Variants in SEC11A observed in about 807,000 individuals in gnomAD.
The protein encoded by SEC11A is signal peptidase complex catalytic subunit SEC11A.
SEC11A carries 14 observed loss-of-function variants against 25.6 expected under a neutral mutation model. That is an observed-to-expected ratio of 0.55 (90% CI 0.36 to 0.85). SEC11A has a LOEUF of 0.85. Ranked by LOEUF, SEC11A falls within the 40% of genes least tolerant of loss-of-function variation. The probability of loss-of-function intolerance (pLI) is 0.01; values close to 1 mark genes in which losing one functional copy is unlikely to be tolerated. For synonymous variants in SEC11A, 83 were observed against 76.4 expected, an observed-to-expected ratio of 1.09 and a Z score of -0.45; for missense variants, 153 against 222.9, an observed-to-expected ratio of 0.69 and a Z score of 2.00.
chr15:84,701,466 T>A (rs1256027742), intron 1 of SEC11A, among the ~76,000 whole-genome samples: 2 of 151,052 alleles, frequency 1.3e-5, no homozygotes, highest in East Asian at 3.9e-4. Flanking sequence ...ATTACAGGCA[T>A]AATAGATACT....
Position 84,674,046 on chromosome 15 carries a change from T to C in SEC11A, c.432-3264A>G, listed in dbSNP as rs2218577. Among the ~76,000 whole-genome samples, 658 of 152,166 alleles carry C rather than the reference T, an allele frequency of 4.3e-3. 4 individuals are homozygous for C. Among genetic ancestry groups the C allele is most frequent in the Admixed American group, 6.9e-3 (106 of 15,292 alleles). ...TACATCAAAATTCAAGAAGTACAAT[T>C]TTAGTGTGAGATGCACATATAGGTG... On this transcript the variant is annotated intron_variant, in intron 4 of 5. Coordinates refer to ENST00000268220, the MANE Select transcript of SEC11A (RefSeq NM_014300.4).
At chr15:84,698,786 G>A (rs986844727) in intron 1 of SEC11A, among the ~76,000 whole-genome samples, 1 of 152,000 alleles carries the variant, frequency 6.6e-6, no homozygotes, top group Non-Finnish European at 1.5e-5. Context: ...ATGAATTCAG[G>A]CTCACTGGAA....
rs1186633550 is a variant in SEC11A at position 84,669,759 on chromosome 15, C to G, written c.*260G>C. ...CTCAACCTTTTAATATAAAAAAATT[C>G]ACTGATGTACAAAAATTTGAAAGTG... On this transcript the variant is annotated 3_prime_UTR_variant, in exon 6 of 6. Transcript: ENST00000268220. 2 of 441,994 alleles carry G rather than the reference C, an allele frequency of 4.5e-6. No individual in the cohort carries two copies. The highest frequency in any genetic ancestry group is 8.0e-6 in the Non-Finnish European group (2 of 250,140). 27.4% of individuals were successfully genotyped at this position (441,994 alleles called of 1,614,324 possible).
At chr15:84,678,662 T>C (rs983452459) in intron 4 of SEC11A, among the ~76,000 whole-genome samples, 29 of 152,194 alleles carry the variant, frequency 1.9e-4, no homozygotes, top group Non-Finnish European at 3.1e-4. Flanking sequence ...ACCATTCTCC[T>C]TTCACACACA....
chr15:84,700,675 T>C (rs1897907361), intron 1 of SEC11A, among the ~76,000 whole-genome samples: 1 of 135,272 alleles, frequency 7.4e-6, no homozygotes, highest in African/African-American at 2.8e-5. Context: ...AGTAGAGATG[T>C]GGATGATAGA....
At chr15:84,680,681 A>G in intron 4 of SEC11A, 32 bp downstream of exon 4, 2 of 1,560,396 alleles carry the variant, frequency 1.3e-6, no homozygotes, top group Non-Finnish European at 1.7e-6. Flanking sequence ...CAAGTGATAT[A>G]AAAAGTTTGA....
intron 1 of SEC11A, among the ~76,000 whole-genome samples, chr15:84,713,659 G>A (rs915069513): frequency 1.3e-5 from 2 of 152,218 alleles, no homozygotes; most frequent in African/African-American, 2.4e-5. Context: ...GGGCAGAGTA[G>A]CCTATTCATT....
chr15:84,693,195 A>G (rs986202708), intron 1 of SEC11A, among the ~76,000 whole-genome samples: 4 of 152,158 alleles, frequency 2.6e-5, no homozygotes, highest in African/African-American at 9.7e-5. Flanking sequence ...ATGTCATTCA[A>G]TGTCATGGAA....
At chr15:84,691,820 T>C in intron 1 of SEC11A, 176 bp from the exon 2 acceptor site, 2 of 428,726 alleles carry the variant, frequency 4.7e-6, no homozygotes, top group African/African-American at 4.1e-5. Flanking sequence ...AGGCCCCCCT[T>C]CTTTCACCCA....
At chr15:84,707,174 T>C (rs981817727) in intron 1 of SEC11A, among the ~76,000 whole-genome samples, 1 of 148,130 alleles carries the variant, frequency 6.8e-6, no homozygotes, top group African/African-American at 2.5e-5. Flanking sequence ...CCTACAATTG[T>C]GTGAGACTTT....
intron 4 of SEC11A, among the ~76,000 whole-genome samples, chr15:84,677,516 A>C (rs1204660225): frequency 2.0e-5 from 3 of 146,700 alleles, no homozygotes; most frequent in African/African-American, 7.6e-5. Context: ...TCTGTCACTC[A>C]GGCTGGAGTG....
Position 84,716,128 on chromosome 15 carries a change from G to C in SEC11A, c.-53C>G, listed in dbSNP as rs544647194. On this transcript the variant is annotated 5_prime_UTR_variant, in exon 1 of 6. Coordinates refer to ENST00000268220, the MANE Select transcript of SEC11A (RefSeq NM_014300.4). ...AGGGGAAAGGGCGCGATGACCAGCG[G>C]GCGGAACTACTGGAGCTCGGGTCGG... 1.3e-6 allele frequency: 2 copies of C among 1,565,376 alleles called. No individual in the cohort carries two copies. Among genetic ancestry groups the C allele is most frequent in the East Asian group, 2.2e-5 (1 of 44,594 alleles).
intron 1 of SEC11A, among the ~76,000 whole-genome samples, chr15:84,705,082 G>A (rs1007868312): frequency 1.3e-5 from 2 of 151,882 alleles, no homozygotes; most frequent in African/African-American, 2.4e-5. Context: ...GTACCACCAC[G>A]CCTGGCTAAT....
chr15:84,677,607 G>A (rs1429678410), intron 4 of SEC11A, among the ~76,000 whole-genome samples: 2 of 151,470 alleles, frequency 1.3e-5, no homozygotes, highest in African/African-American at 2.4e-5. Flanking sequence ...AGAGTCACTG[G>A]GACTACAGGC....
chr15:84,677,438 T>C (rs1045037925), intron 4 of SEC11A, among the ~76,000 whole-genome samples: 2 of 151,744 alleles, frequency 1.3e-5, no homozygotes, highest in Non-Finnish European at 2.9e-5. Flanking sequence ...ATTTTAAAAA[T>C]AGCATTAAAT....
At chr15:84,702,088 A>G (rs1359303544) in intron 1 of SEC11A, among the ~76,000 whole-genome samples, 2 of 151,820 alleles carry the variant, frequency 1.3e-5, no homozygotes, top group Admixed American at 6.6e-5. Flanking sequence ...AATAATAATA[A>G]TAATAATAGG....
At chr15:84,685,206 G>A (rs1385827845) in intron 3 of SEC11A, among the ~76,000 whole-genome samples, 1 of 152,018 alleles carries the variant, frequency 6.6e-6, no homozygotes, top group East Asian at 1.9e-4. Context: ...CTATGAATCT[G>A]CCCAGAAGCA....
At chr15:84,710,593 G>C (rs989579861) in intron 1 of SEC11A, among the ~76,000 whole-genome samples, 2 of 152,162 alleles carry the variant, frequency 1.3e-5, no homozygotes, top group Non-Finnish European at 2.9e-5. Flanking sequence ...AGCCTAGATG[G>C]TGCCACCACA....
At chr15:84,684,764 T>C (rs1205150854) in intron 3 of SEC11A, among the ~76,000 whole-genome samples, 1 of 152,014 alleles carries the variant, frequency 6.6e-6, no homozygotes. Context: ...AAACCCTGCC[T>C]CTACTAAAAA....
Sources: gnomAD v4.1 joint callset for allele counts (sites outside exome capture counted in the v4.1 genomes callset) on GRCh38, gnomAD v4.1.1 for gene constraint, MANE v1.5 for transcripts, NCBI Gene and HGNC (gene_info 2026-07-23, HGNC 2026-07-21) for gene names.